The following GPC5 variants were observed in gnomAD, a reference collection of about 807,000 sequenced individuals.
The protein encoded by GPC5 is glypican-5.
Under a neutral mutation model 53.9 loss-of-function variants are expected in GPC5, and 47 were observed. The observed-to-expected ratio is 0.87, with a 90% confidence interval of 0.69 to 1.11. The LOEUF (loss-of-function observed/expected upper bound fraction) is 1.11, where lower values mean the gene tolerates loss of function less well. GPC5 is among the 50% of genes most tolerant of loss of function. GPC5 has a pLI of 0.00. For missense variants in GPC5, 748 were observed against 713.1 expected, an observed-to-expected ratio of 1.05 and a Z score of -0.56; for synonymous variants, 286 against 263.3, an observed-to-expected ratio of 1.09 and a Z score of -0.84.
intron 6 of GPC5, among the ~76,000 whole-genome samples, chr13:92,050,422 A>G (rs2041018191): frequency 1.3e-5 from 2 of 152,124 alleles, no homozygotes; most frequent in South Asian, 4.1e-4. Context: ...GGGATTATCT[A>G]CTTTTGGAGG....
intron 7 of GPC5, among the ~76,000 whole-genome samples, chr13:92,521,721 G>C (rs897119290): frequency 6.6e-6 from 1 of 152,078 alleles, no homozygotes; most frequent in Non-Finnish European, 1.5e-5. Context: ...GCATGGGCAA[G>C]GACTTCATGT....
intron 7 of GPC5, among the ~76,000 whole-genome samples, chr13:92,510,567 A>G (rs1188752821): frequency 1.3e-5 from 2 of 152,220 alleles, no homozygotes; most frequent in Non-Finnish European, 2.9e-5. Context: ...TACAATTGAC[A>G]TAAGGCCTCA....
chr13:92,684,426 A>G (rs1371928103), intron 7 of GPC5, among the ~76,000 whole-genome samples: 2 of 151,954 alleles, frequency 1.3e-5, no homozygotes, highest in African/African-American at 4.8e-5. Context: ...GTGCATCACC[A>G]TGCCCAGCTA....
chr13:91,566,836 A>C (rs1594263454), intron 2 of GPC5, among the ~76,000 whole-genome samples: 1 of 152,298 alleles, frequency 6.6e-6, no homozygotes, highest in East Asian at 1.9e-4. Context: ...TTTAATTTTG[A>C]AAACTGATTA....
At chr13:92,526,364 C>T (rs1881281697) in intron 7 of GPC5, among the ~76,000 whole-genome samples, 1 of 152,084 alleles carries the variant, frequency 6.6e-6, no homozygotes, top group East Asian at 1.9e-4. Flanking sequence ...CTGGCACTCA[C>T]TAACTCCATA....
rs186190901 is a variant in GPC5 at position 91,534,116 on chromosome 13, T to G, written c.325+85194T>G. Among the ~76,000 whole-genome samples, 6 of 152,324 alleles carry G rather than the reference T, an allele frequency of 3.9e-5. No homozygotes were observed. In the East Asian group the frequency reaches 1.2e-3, roughly 29 times the overall value. On this transcript the variant is annotated intron_variant, in intron 2 of 7. Coordinates refer to ENST00000377067, the MANE Select transcript of GPC5 (RefSeq NM_004466.6). The stretch of plus-strand genomic sequence containing the variant: ...CATTATAGATTATATATTGCTCACC[T>G]AAGGTTCGGATATTTCATGATTATA...
intron 7 of GPC5, among the ~76,000 whole-genome samples, chr13:92,748,840 G>C (rs944207762): frequency 2.6e-5 from 4 of 151,922 alleles, no homozygotes; most frequent in African/African-American, 9.7e-5. Flanking sequence ...CTCTGGAGTA[G>C]ACATTTAATT....
At chr13:92,395,398 C>A (rs1023334771) in intron 7 of GPC5, among the ~76,000 whole-genome samples, 3 of 152,156 alleles carry the variant, frequency 2.0e-5, no homozygotes, top group Non-Finnish European at 4.4e-5. Context: ...CCAATTCCCC[C>A]GTTTTGTCCC....
chr13:92,799,723 G>A (rs897925914), intron 7 of GPC5, among the ~76,000 whole-genome samples: 4 of 151,626 alleles, frequency 2.6e-5, no homozygotes, highest in African/African-American at 4.8e-5. Flanking sequence ...CTACCATGTC[G>A]TCAACCCTAT....
intron 2 of GPC5, among the ~76,000 whole-genome samples, chr13:91,503,496 G>T (rs928869415): frequency 1.3e-5 from 2 of 151,850 alleles, no homozygotes; most frequent in Non-Finnish European, 2.9e-5. Flanking sequence ...TAATAATTAG[G>T]CTGGGCCGGG....
chr13:92,692,691 AAAAAAC>A lies in GPC5; in HGVS notation c.1562-173586_1562-173581del, dbSNP rs1388032637. ...AACTTAAAGTATAATAATAAATTAAAAAAAACAAAACAAAACAGTGTACGTGTGTTC... is the reference window on the plus strand; with the variant it reads ...AACTTAAAGTATAATAATAAATTAAAAAAACAAAACAGTGTACGTGTGTTC... On this transcript the variant is annotated intron_variant, in intron 7 of 7. Coordinates refer to ENST00000377067, the MANE Select transcript of GPC5 (RefSeq NM_004466.6). Among the ~76,000 whole-genome samples the A allele has an allele frequency of 2.7e-5, 4 of 150,062 alleles. 1 individual carries two copies. The highest frequency in any genetic ancestry group is 2.0e-4 in the Admixed American group (3 of 14,648).
chr13:91,636,156 C>T (rs80337617), intron 2 of GPC5, among the ~76,000 whole-genome samples: 2,199 of 152,102 alleles, frequency 0.014, 27 homozygotes, highest in Non-Finnish European at 0.026. Flanking sequence ...AATATTTATG[C>T]TTCAATTTTA....
rs113492248 is a variant in GPC5 at position 92,825,495 on chromosome 13, T to C, written c.1562-40787T>C. Among the ~76,000 whole-genome samples the C allele has an allele frequency of 3.8e-3, 575 of 152,228 alleles. 3 individuals are homozygous for C. Among genetic ancestry groups the C allele is most frequent in the Middle Eastern group, 0.01 (3 of 292 alleles). On this transcript the variant is annotated intron_variant, in intron 7 of 7. Transcript: ENST00000377067. ...ATAAGTCCAGGTGGCATTTTCCAAG[T>C]GTATTAAAGTGCCAAAGTAGCTCCA... is the stretch of plus-strand genomic sequence containing the variant.
At chr13:92,497,800 G>T (rs186678545) in intron 7 of GPC5, among the ~76,000 whole-genome samples, 1 of 151,776 alleles carries the variant, frequency 6.6e-6, no homozygotes, top group Admixed American at 6.6e-5. Context: ...ACCTAAAAAG[G>T]TCCTTCACAT....
chr13:91,606,686 G>C (rs1594322185), intron 2 of GPC5, among the ~76,000 whole-genome samples: 1 of 149,504 alleles, frequency 6.7e-6, no homozygotes, highest in South Asian at 2.1e-4. Context: ...AGTCTTGGGA[G>C]AGTGTATGTG....
chr13:92,138,078 CT>C (rs1349062357), intron 6 of GPC5, among the ~76,000 whole-genome samples: 1 of 151,976 alleles, frequency 6.6e-6, no homozygotes, highest in East Asian at 1.9e-4. Flanking sequence ...CCTAAAACTA[CT>C]CTAAAAAATG....
intron 7 of GPC5, among the ~76,000 whole-genome samples, chr13:92,605,295 G>A (rs1327954916): frequency 6.6e-6 from 1 of 152,016 alleles, no homozygotes; most frequent in African/African-American, 2.4e-5. Flanking sequence ...TTTAAAAATG[G>A]TTTGTGATAA....
At chr13:92,107,568 T>C (rs983574602) in intron 6 of GPC5, among the ~76,000 whole-genome samples, 18 of 152,266 alleles carry the variant, frequency 1.2e-4, no homozygotes, top group African/African-American at 3.8e-4. Flanking sequence ...AGTCTTAGAC[T>C]TGATAGTTGT....
Position 92,731,515 on chromosome 13 carries a change from G to A in GPC5, c.1562-134767G>A, listed in dbSNP as rs753084636. 3.3e-5 allele frequency among the ~76,000 whole-genome samples: 5 copies of A among 151,272 alleles called. No homozygotes were observed. The South Asian group carries it at 8.3e-4, about 25-fold the overall frequency. ...AACAGATGGGGGAGAATTAAGAATC[G>A]GTGAAGTAATAGAAGTAAGCATTCC... On this transcript the variant is annotated intron_variant, in intron 7 of 7. Transcript: ENST00000377067.
Sources: gnomAD v4.1 joint callset for allele counts (sites outside exome capture counted in the v4.1 genomes callset) on GRCh38, gnomAD v4.1.1 for gene constraint, MANE v1.5 for transcripts, NCBI Gene and HGNC (gene_info 2026-07-23, HGNC 2026-07-21) for gene names.